Variants in UNC5D observed in about 807,000 individuals in gnomAD.
UNC5D encodes the protein unc-5 netrin receptor D.
A neutral mutation model predicts 105.4 loss-of-function variants in UNC5D; 39 were observed. The observed-to-expected ratio is 0.37, with a 90% CI of 0.29 to 0.48. The LOEUF (loss-of-function observed/expected upper bound fraction) is 0.48, where lower values mean the gene tolerates loss of function less well. Among genes scored for constraint, UNC5D ranks in the 20% least tolerant of loss-of-function variants. The pLI is 0.98. For missense variants in UNC5D, 991 were observed against 1,202.4 expected (o/e 0.82, Z 2.60); for synonymous variants, 452 against 450.4 (o/e 1.00, Z -0.04).
At chr8:35,414,914 T>C (rs1428724815) in intron 1 of UNC5D, among the ~76,000 whole-genome samples, 1 of 152,108 alleles carries the variant, frequency 6.6e-6, no homozygotes, top group Non-Finnish European at 1.5e-5. Flanking sequence ...TTTTTCTCTA[T>C]TTTTTGTCAT....
intron 1 of UNC5D, among the ~76,000 whole-genome samples, chr8:35,238,370 T>C (rs968875406): frequency 1.3e-5 from 2 of 152,198 alleles, no homozygotes; most frequent in African/African-American, 4.8e-5. Context: ...AGCCCAGTAG[T>C]GGCCCAAGAA....
At chr8:35,604,662 C>G (rs1820149309) in intron 4 of UNC5D, among the ~76,000 whole-genome samples, 1 of 152,166 alleles carries the variant, frequency 6.6e-6, no homozygotes, top group Admixed American at 6.5e-5. Context: ...TCCATTCTCC[C>G]CGTCACTTTC....
intron 1 of UNC5D, among the ~76,000 whole-genome samples, chr8:35,467,262 C>G (rs1398449211): frequency 6.6e-6 from 1 of 152,088 alleles, no homozygotes; most frequent in East Asian, 1.9e-4. Context: ...TTCTAATGTC[C>G]TTTCCTGAGA....
At chr8:35,335,220 A>G (rs964772264) in intron 1 of UNC5D, among the ~76,000 whole-genome samples, 3 of 152,168 alleles carry the variant, frequency 2.0e-5, no homozygotes, top group African/African-American at 4.8e-5. Flanking sequence ...CTTTCTGACT[A>G]TTACAAATAA....
intron 10 of UNC5D, chr8:35,726,804 A>G: frequency 2.1e-6 from 1 of 470,624 alleles, no homozygotes. Context: ...GGTAGTCCCC[A>G]GGCTTTAAGC....
intron 3 of UNC5D, among the ~76,000 whole-genome samples, chr8:35,587,071 G>A (rs1287794191): frequency 6.6e-6 from 1 of 152,160 alleles, no homozygotes; most frequent in Non-Finnish European, 1.5e-5. Context: ...GACTCTGGAT[G>A]ATCCTGTTGC....
At chr8:35,567,078 A>C (rs539731711) in intron 2 of UNC5D, among the ~76,000 whole-genome samples, 52 of 151,956 alleles carry the variant, frequency 3.4e-4, no homozygotes, top group East Asian at 1.5e-3. Context: ...AAAGTAACAA[A>C]AAAAAAAAAA....
At chr8:35,264,824 C>T (rs1422468809) in intron 1 of UNC5D, among the ~76,000 whole-genome samples, 1 of 151,818 alleles carries the variant, frequency 6.6e-6, no homozygotes, top group African/African-American at 2.4e-5. Flanking sequence ...AGGCTATTGG[C>T]AGGGCCATCC....
At chr8:35,415,922 T>C (rs1805500137) in intron 1 of UNC5D, among the ~76,000 whole-genome samples, 3 of 152,178 alleles carry the variant, frequency 2.0e-5, no homozygotes. Flanking sequence ...TGATTTGTGC[T>C]GGACATTTAC....
chr8:35,575,798 T>C lies in UNC5D; in HGVS notation c.466+7557T>C, dbSNP rs75490519. 6.2e-3 allele frequency among the ~76,000 whole-genome samples: 943 copies of C among 152,254 alleles called. 4 individuals are homozygous for C. The highest frequency in any genetic ancestry group is 0.022 in the African/African-American group (909 of 41,540). ...TTTTCCATGGACTGAAATTAATATA[T>C]AGGAATACTATTGCAGGGTTTGAAA... On this transcript the variant is annotated intron_variant, in intron 3 of 16. Transcript: ENST00000404895.
chr8:35,512,225 G>T (rs2130363665), intron 1 of UNC5D, among the ~76,000 whole-genome samples: 1 of 151,490 alleles, frequency 6.6e-6, no homozygotes, highest in South Asian at 2.1e-4. Flanking sequence ...TGCAAGTAAG[G>T]TTAAGGGTTA....
chr8:35,660,802 G>A (rs1824059166), intron 4 of UNC5D, among the ~76,000 whole-genome samples: 1 of 152,164 alleles, frequency 6.6e-6, no homozygotes, highest in Non-Finnish European at 1.5e-5. Flanking sequence ...CAACTCTACT[G>A]GGTTCTAATT....
intron 11 of UNC5D, among the ~76,000 whole-genome samples, chr8:35,742,255 A>G (rs1586569417): frequency 8.0e-6 from 1 of 125,100 alleles, no homozygotes; most frequent in Non-Finnish European, 1.5e-5. Context: ...TGACTCCAAG[A>G]AAAAAAAAAA....
At chr8:35,593,984 C>T (rs1819337665) in intron 3 of UNC5D, among the ~76,000 whole-genome samples, 1 of 152,158 alleles carries the variant, frequency 6.6e-6, no homozygotes, top group Non-Finnish European at 1.5e-5. Flanking sequence ...ATTCACAGAA[C>T]CTTCACAGTT....
chr8:35,661,419 G>A lies in UNC5D; in HGVS notation c.571-22128G>A, dbSNP rs150763478. Among the ~76,000 whole-genome samples, 17 of 152,310 alleles carry A rather than the reference G, an allele frequency of 1.1e-4. No individual in the cohort carries two copies. The East Asian group carries it at 3.1e-3, about 28-fold the overall frequency. On this transcript the variant is annotated intron_variant, in intron 4 of 16. Coordinates refer to ENST00000404895, the MANE Select transcript of UNC5D (RefSeq NM_080872.4). ...GGTTTCCTTTTAGGTTGGTATTCTT[G>A]AGAGAGAGTTTGTGGGGCATGGCCC...
At chr8:35,454,827 G>T (rs1808379104) in intron 1 of UNC5D, among the ~76,000 whole-genome samples, 1 of 152,064 alleles carries the variant, frequency 6.6e-6, no homozygotes, top group African/African-American at 2.4e-5. Context: ...CAGAACCTGA[G>T]GGTAAAGGAA....
At chr8:35,557,939 C>A (rs888240638) in intron 2 of UNC5D, among the ~76,000 whole-genome samples, 1 of 152,022 alleles carries the variant, frequency 6.6e-6, no homozygotes, top group Non-Finnish European at 1.5e-5. Flanking sequence ...CAAGACCAGC[C>A]TGGTCAACAA....
At chr8:35,282,510 G>A (rs1038430706) in intron 1 of UNC5D, among the ~76,000 whole-genome samples, 1 of 151,976 alleles carries the variant, frequency 6.6e-6, no homozygotes, top group East Asian at 1.9e-4. Context: ...TGTCAGGAAG[G>A]GGGTAGGATT....
At chr8:35,684,894 G>A (rs777757836) in intron 6 of UNC5D, 145 bp downstream of exon 6, 35 of 1,096,690 alleles carry the variant, frequency 3.2e-5, no homozygotes, top group South Asian at 4.7e-5. Context: ...CTAATGTAAA[G>A]CTCATTGTCA....
Sources: gnomAD v4.1 joint callset for allele counts (sites outside exome capture counted in the v4.1 genomes callset) on GRCh38, gnomAD v4.1.1 for gene constraint, MANE v1.5 for transcripts, NCBI Gene and HGNC (gene_info 2026-07-23, HGNC 2026-07-21) for gene names.